The following LARGE1 variants were observed in gnomAD, a reference collection of about 807,000 sequenced individuals.
The protein encoded by LARGE1 is LARGE xylosyl- and glucuronyltransferase 1, also known as xylosyl- and glucuronyltransferase LARGE1.
Under a neutral mutation model 87.6 loss-of-function variants are expected in LARGE1, and 43 were observed. That is an observed-to-expected ratio of 0.49 (90% CI 0.38 to 0.63). The LOEUF is 0.63. Ranked by LOEUF, LARGE1 falls within the 30% of genes least tolerant of loss-of-function variation. The pLI, the probability that LARGE1 is intolerant of heterozygous loss-of-function variation, is 0.00. For synonymous variants in LARGE1, 434 were observed against 394.6 expected, an observed-to-expected ratio of 1.10 and a Z score of -1.18; for missense variants, 802 against 1,000.2, an observed-to-expected ratio of 0.80 and a Z score of 2.67.
At chr22:33,460,022 A>G (rs972512862) in intron 6 of LARGE1, among the ~76,000 whole-genome samples, 1 of 152,252 alleles carries the variant, frequency 6.6e-6, no homozygotes, top group Non-Finnish European at 1.5e-5. Context: ...CTACACACAC[A>G]GTGAGACAAT....
intron 2 of LARGE1, among the ~76,000 whole-genome samples, chr22:33,652,278 A>C (rs1275008447): frequency 6.6e-6 from 1 of 152,034 alleles, no homozygotes; most frequent in East Asian, 1.9e-4. Context: ...CAGAATTCGC[A>C]CCCAGGTCTC....
intron 6 of LARGE1, among the ~76,000 whole-genome samples, chr22:33,457,837 T>C (rs1442932176): frequency 6.6e-6 from 1 of 152,050 alleles, no homozygotes; most frequent in Non-Finnish European, 1.5e-5. Context: ...AGCACAGCAA[T>C]TGTGGTAGAG....
chr22:33,230,831 A>G (rs1005191689), intron 11 of LARGE1, among the ~76,000 whole-genome samples: 1 of 152,258 alleles, frequency 6.6e-6, no homozygotes, highest in African/African-American at 2.4e-5. Flanking sequence ...AAAAGAGACC[A>G]TTCAGACCAT....
chr22:33,799,119 T>C (rs2086077635), intron 1 of LARGE1, among the ~76,000 whole-genome samples: 1 of 152,104 alleles, frequency 6.6e-6, no homozygotes. Flanking sequence ...GATAGCAGCT[T>C]GATCCATGCA....
chr22:33,141,986 C>T, the LARGE1 span, among the ~76,000 whole-genome samples: 2 of 152,180 alleles, frequency 1.3e-5, no homozygotes, highest in African/African-American at 4.8e-5. Flanking sequence ...CCATACTCTG[C>T]TGCCATTGAT....
chr22:33,594,134 G>T (rs2078916851), intron 5 of LARGE1, among the ~76,000 whole-genome samples: 1 of 152,130 alleles, frequency 6.6e-6, no homozygotes, highest in Non-Finnish European at 1.5e-5. Flanking sequence ...ATTTTCTAGG[G>T]TGTACACTAA....
At chr22:33,290,825 G>A (rs1932405832) in intron 12 of LARGE1, among the ~76,000 whole-genome samples, 1 of 152,112 alleles carries the variant, frequency 6.6e-6, no homozygotes, top group African/African-American at 2.4e-5. Context: ...GATCACCTGA[G>A]GTCAGGAGTT....
intron 2 of LARGE1, among the ~76,000 whole-genome samples, chr22:33,660,090 G>GTTTTTT (rs35643369): frequency 1.6e-5 from 2 of 125,438 alleles, no homozygotes; most frequent in African/African-American, 5.8e-5. Flanking sequence ...GTGTGTGTGT[G>GTTTTTT]TTTTTTTTTT....
At chr22:33,671,990 T>G (rs1421883479) in intron 2 of LARGE1, among the ~76,000 whole-genome samples, 1 of 152,182 alleles carries the variant, frequency 6.6e-6, no homozygotes, top group Non-Finnish European at 1.5e-5. Context: ...AGGAGACATT[T>G]CTTACCACAC....
chr22:33,651,297 C>G (rs1349560658), intron 2 of LARGE1, among the ~76,000 whole-genome samples: 1 of 131,934 alleles, frequency 7.6e-6, no homozygotes, highest in African/African-American at 2.9e-5. Context: ...GAGGCTGAGG[C>G]AGGATAATGG....
chr22:33,583,877 T>C (rs529573317), intron 5 of LARGE1, among the ~76,000 whole-genome samples: 5 of 152,188 alleles, frequency 3.3e-5, no homozygotes, highest in Non-Finnish European at 5.9e-5. Context: ...GACACATATA[T>C]AGGCATTCCA....
chr22:33,147,321 G>C, the LARGE1 span, among the ~76,000 whole-genome samples: 2 of 152,050 alleles, frequency 1.3e-5, no homozygotes, highest in African/African-American at 2.4e-5. Context: ...TAGTAAAATA[G>C]ACACAGATTT....
intron 7 of LARGE1, among the ~76,000 whole-genome samples, chr22:33,409,805 G>C (rs1390566857): frequency 6.8e-6 from 1 of 148,062 alleles, no homozygotes; most frequent in Non-Finnish European, 1.5e-5. Context: ...AGGTTGCAGT[G>C]AGCCAAGATC....
chr22:33,556,512 AAGGAAGGG>A (rs2077681267), intron 6 of LARGE1, among the ~76,000 whole-genome samples: 1 of 104,170 alleles, frequency 9.6e-6, no homozygotes, highest in African/African-American at 4.1e-5. Flanking sequence ...GGAAAGAAGG[AAGGAAGGG>A]AGGGAGGGAG....
At chr22:33,896,025 C>G (rs2065135148) in intron 1 of LARGE1, among the ~76,000 whole-genome samples, 1 of 152,126 alleles carries the variant, frequency 6.6e-6, no homozygotes, top group Non-Finnish European at 1.5e-5. Context: ...TTACCAACAC[C>G]CACCTCCAGC....
chr22:33,366,080 G>C (rs1013512868), intron 9 of LARGE1, among the ~76,000 whole-genome samples: 6 of 152,172 alleles, frequency 3.9e-5, no homozygotes, highest in South Asian at 2.1e-4. Context: ...AAAAATAAAA[G>C]TTTAATTTGG....
intron 1 of LARGE1, among the ~76,000 whole-genome samples, chr22:33,915,363 G>A (rs934275691): frequency 6.6e-5 from 10 of 151,924 alleles, no homozygotes; most frequent in Admixed American, 5.9e-4. Context: ...TCTTGTTCAG[G>A]TGTTAAACAC....
chr22:33,277,382 C>A, intron 13 of LARGE1, 127 bp from the exon 14 acceptor site: 1 of 890,622 alleles, frequency 1.1e-6, no homozygotes, highest in Non-Finnish European at 1.8e-6. Context: ...GTCTCCCTCC[C>A]AAAAGCTATG....
intron 11 of LARGE1, among the ~76,000 whole-genome samples, chr22:33,199,271 T>G (rs1924249133): frequency 6.6e-6 from 1 of 152,136 alleles, no homozygotes; most frequent in African/African-American, 2.4e-5. Context: ...CTTTGTTGGA[T>G]GCATAGTTTG....
Sources: allele counts gnomAD v4.1 joint callset (sites outside exome capture counted in the v4.1 genomes callset), GRCh38; gene constraint gnomAD v4.1.1; transcripts MANE v1.5; gene names NCBI Gene and HGNC (gene_info 2026-07-23, HGNC 2026-07-21).